Variants in EPHB1 observed in about 807,000 individuals in gnomAD.
EPHB1 encodes EPH receptor B1.
In EPHB1, 30 loss-of-function variants were observed where a neutral mutation model predicts 94.4. The ratio of observed to expected loss-of-function variants is 0.32; its 90% CI spans 0.24 to 0.43. EPHB1 has a LOEUF of 0.43. Among genes scored for constraint, EPHB1 ranks in the 20% least tolerant of loss-of-function variants. The pLI is 1.00. For missense variants in EPHB1, 1,055 were observed against 1,308.3 expected, an observed-to-expected ratio of 0.81 and a Z score of 2.99; for synonymous variants, 522 against 489.1, an observed-to-expected ratio of 1.07 and a Z score of -0.89.
chr3:135,151,951 C>T (rs536253777), intron 5 of EPHB1, among the ~76,000 whole-genome samples: 61 of 152,210 alleles, frequency 4.0e-4, no homozygotes, highest in South Asian at 2.5e-3. Flanking sequence ...GTTTTTGATC[C>T]AAAGGCTATC....
intron 10 of EPHB1, among the ~76,000 whole-genome samples, chr3:135,180,444 G>A (rs1330370183): frequency 3.3e-5 from 5 of 152,184 alleles, no homozygotes; most frequent in Non-Finnish European, 7.3e-5. Context: ...ATAGAAGAGA[G>A]ACCACTGTTT....
intron 15 of EPHB1, among the ~76,000 whole-genome samples, chr3:135,257,045 C>G (rs1385409526): frequency 1.4e-4 from 20 of 145,028 alleles, no homozygotes; most frequent in African/African-American, 1.1e-4. Flanking sequence ...ACGTAGTTCT[C>G]GAGCCTTGGT....
chr3:134,941,874 C>T (rs1397798260), intron 2 of EPHB1, among the ~76,000 whole-genome samples: 2 of 152,086 alleles, frequency 1.3e-5, no homozygotes, highest in Non-Finnish European at 2.9e-5. Context: ...ACTGCAAGCT[C>T]TGACTTCCAA....
intron 3 of EPHB1, among the ~76,000 whole-genome samples, chr3:135,074,679 T>G (rs1315922190): frequency 2.0e-5 from 3 of 152,208 alleles, no homozygotes; most frequent in African/African-American, 7.2e-5. Context: ...AGCCCCAGCT[T>G]CTATACTGTG....
chr3:135,125,713 C>T, intron 4 of EPHB1, among the ~76,000 whole-genome samples: 1 of 152,080 alleles, frequency 6.6e-6, no homozygotes, highest in East Asian at 1.9e-4. Flanking sequence ...ACATCCCTGA[C>T]AGTTGAAACT....
chr3:135,144,947 A>G (rs947385928), intron 5 of EPHB1, among the ~76,000 whole-genome samples: 14 of 152,298 alleles, frequency 9.2e-5, no homozygotes, highest in Admixed American at 8.5e-4. Flanking sequence ...ACAAGAAACC[A>G]ATGTCCACAA....
chr3:134,924,854 A>G (rs927030637), intron 1 of EPHB1, among the ~76,000 whole-genome samples: 1 of 152,372 alleles, frequency 6.6e-6, no homozygotes, highest in East Asian at 1.9e-4. Flanking sequence ...AGAAAATGCC[A>G]TTTATTCTAC....
rs1940696346 is a variant in EPHB1, at chr3:135,138,364, A to T, written c.1297+5315A>T. Among the ~76,000 whole-genome samples, 3 of 152,240 alleles carry T rather than the reference A, an allele frequency of 2.0e-5. No homozygotes were observed. The South Asian group carries it at 6.2e-4, about 31-fold the overall frequency. ...TTCTTACAAAAGAATTACCTAGCCC[A>T]TCAATTCCTCTGAATACATCACCTA... is the stretch of plus-strand genomic sequence containing the variant. On this transcript the variant is annotated intron_variant, in intron 5 of 15. Transcript: ENST00000398015.
At chr3:135,042,411 A>T (rs1453814785) in intron 3 of EPHB1, among the ~76,000 whole-genome samples, 1 of 152,320 alleles carries the variant, frequency 6.6e-6, no homozygotes, top group Non-Finnish European at 1.5e-5. Context: ...TCTCAAATGG[A>T]TTTTTCACAA....
Position 135,192,601 on chromosome 3 carries a change from G to A in EPHB1, c.1908G>A (p.Gly636=), listed in dbSNP as rs916563438. Residue 636 remains glycine (G), a synonymous_variant, in exon 11 of 16, where the codon GGG becomes GGA. Transcript: ENST00000398015. ...GGGAGTTTGGAGAAGTGTACAAGGG[G>A]CGTTTGAAACTGCCAGGCAAGAGGG... ...GAGEFGEVYK[G]RLKLPGKREI... is the part of the protein sequence containing the mutation. 6.2e-6 allele frequency: 10 copies of A among 1,613,794 alleles called. No individual in the cohort carries two copies. Among genetic ancestry groups the A allele is most frequent in the African/African-American group, 4.0e-5 (3 of 74,902 alleles).
intron 4 of EPHB1, among the ~76,000 whole-genome samples, chr3:135,126,952 T>G (rs1028954033): frequency 6.6e-5 from 10 of 152,186 alleles, no homozygotes; most frequent in African/African-American, 2.4e-4. Context: ...CAGGTGAAGA[T>G]TCCCGATAAT....
At chr3:135,049,124 C>T (rs1273082113) in intron 3 of EPHB1, among the ~76,000 whole-genome samples, 1 of 152,222 alleles carries the variant, frequency 6.6e-6, no homozygotes, top group Non-Finnish European at 1.5e-5. Context: ...CTGCATCCAT[C>T]ATTGAGCAGG....
At chr3:135,079,404 A>G (rs1938078204) in intron 3 of EPHB1, among the ~76,000 whole-genome samples, 1 of 152,174 alleles carries the variant, frequency 6.6e-6, no homozygotes, top group Admixed American at 6.5e-5. Flanking sequence ...TTCCTCAAAA[A>G]GGGGCTCATG....
chr3:134,993,003 A>C (rs1437145143), intron 3 of EPHB1, among the ~76,000 whole-genome samples: 1 of 152,058 alleles, frequency 6.6e-6, no homozygotes, highest in African/African-American at 2.4e-5. Flanking sequence ...GCCCATCCTC[A>C]TGTGTCACCT....
intron 1 of EPHB1, among the ~76,000 whole-genome samples, chr3:134,859,401 A>G (rs4955507): frequency 0.99 from 151,028 of 152,302 alleles, 74,894 homozygotes; most frequent in Middle Eastern, 1. Context: ...GGGAGCAGAA[A>G]GAGATTTCTA....
chr3:135,150,332 A>G (rs941977360), intron 5 of EPHB1, among the ~76,000 whole-genome samples: 1 of 152,154 alleles, frequency 6.6e-6, no homozygotes, highest in African/African-American at 2.4e-5. Flanking sequence ...AACTGTCAGG[A>G]GCTATTTGTT....
rs1208254053 is a variant in EPHB1 at position 134,866,310 on chromosome 3, T to A, written c.59-59506T>A. ...ATTTGAAATTTTGAATGCAATTGTA[T>A]GTGACAAAGAAAGAGTCACTCGAGG... On this transcript the variant is annotated intron_variant, in intron 1 of 15. Transcript: ENST00000398015. Among the ~76,000 whole-genome samples the A allele has an allele frequency of 2.0e-5, 3 of 152,370 alleles. No individual in the cohort carries two copies. In the East Asian group the frequency reaches 5.8e-4, roughly 29 times the overall value.
chr3:135,120,737 C>T (rs1450477644), intron 4 of EPHB1, among the ~76,000 whole-genome samples: 2 of 152,212 alleles, frequency 1.3e-5, no homozygotes, highest in South Asian at 4.1e-4. Flanking sequence ...TTTACAGCTG[C>T]GTAAGCCAGT....
At chr3:135,172,865 A>G (rs541814971) in intron 9 of EPHB1, among the ~76,000 whole-genome samples, 37 of 152,342 alleles carry the variant, frequency 2.4e-4, no homozygotes, top group Middle Eastern at 3.4e-3. Flanking sequence ...CAGAGACTCA[A>G]GAAACCGTGT....
Sources: allele counts gnomAD v4.1 joint callset (sites outside exome capture counted in the v4.1 genomes callset), GRCh38; gene constraint gnomAD v4.1.1; transcripts MANE v1.5; gene names NCBI Gene and HGNC (gene_info 2026-07-23, HGNC 2026-07-21).